TMPRSS9: variants seen among roughly 807,000 people sequenced by gnomAD.
TMPRSS9 encodes the protein transmembrane serine protease 9.
TMPRSS9 carries 113 observed loss-of-function variants against 111.4 expected under a neutral mutation model. That is an observed-to-expected ratio of 1.01 (90% confidence interval 0.87 to 1.19). The LOEUF (loss-of-function observed/expected upper bound fraction) is 1.19. TMPRSS9 is among the 50% of genes most tolerant of loss of function. The pLI is 0.00. For synonymous variants in TMPRSS9, 805 were observed against 659.1 expected (o/e 1.22, Z -3.39); for missense variants, 1,803 against 1,513.1 (o/e 1.19, Z -3.18).
chr19:2,370,781 G>A (rs1234855635), intron 1 of TMPRSS9, among the ~76,000 whole-genome samples: 1 of 151,842 alleles, frequency 6.6e-6, no homozygotes, highest in East Asian at 1.9e-4. Flanking sequence ...AACATTGCAA[G>A]ACCTCGTCTC....
At chr19:2,394,900 T>C (rs932853892) in intron 1 of TMPRSS9, among the ~76,000 whole-genome samples, 4 of 152,226 alleles carry the variant, frequency 2.6e-5, no homozygotes, top group Non-Finnish European at 5.9e-5. Context: ...TTTTTTCTGC[T>C]GCTGCTTGCA....
chr19:2,390,530 A>T (rs1430669605), intron 1 of TMPRSS9, among the ~76,000 whole-genome samples: 1 of 145,356 alleles, frequency 6.9e-6, no homozygotes, highest in Non-Finnish European at 1.5e-5. Flanking sequence ...GGCATGAGCC[A>T]CCGCGCCCGG....
chr19:2,424,294 CTG>C (rs747267710), intron 15 of TMPRSS9, 37 bp downstream of exon 16: 3 of 1,319,142 alleles, frequency 2.3e-6, no homozygotes, highest in Admixed American at 3.2e-5. Context: ...CTACATGTCT[CTG>C]TAGCTCACCC....
chr19:2,423,881 A>C (rs1419815459), intron 14 of TMPRSS9, among the ~76,000 whole-genome samples: 1 of 152,144 alleles, frequency 6.6e-6, no homozygotes, highest in Non-Finnish European at 1.5e-5. Context: ...ATAGGAAACA[A>C]ATGCATTTCC....
At chr19:2,419,934 G>T (rs1240170183) in intron 13 of TMPRSS9, among the ~76,000 whole-genome samples, 2 of 152,154 alleles carry the variant, frequency 1.3e-5, no homozygotes, top group Non-Finnish European at 2.9e-5. Context: ...GGCTGAGGTA[G>T]GATCAGTCGA....
intron 1 of TMPRSS9, 139 bp downstream of exon 2, chr19:2,390,066 C>T (rs1970552480): frequency 9.0e-7 from 1 of 1,115,330 alleles, no homozygotes; most frequent in African/African-American, 1.6e-5. Flanking sequence ...CTGCCCTAGG[C>T]CAGGCGGGTG....
At chr19:2,406,561 C>T (rs1327224464) in intron 7 of TMPRSS9, among the ~76,000 whole-genome samples, 2 of 149,338 alleles carry the variant, frequency 1.3e-5, no homozygotes, top group Non-Finnish European at 3.0e-5. Context: ...TCTCGAACTC[C>T]TGTCCTCAGG....
At chr19:2,401,892 G>A (rs938809408) in intron 4 of TMPRSS9, 83 bp from the exon 6 acceptor site, 15 of 1,283,620 alleles carry the variant, frequency 1.2e-5, no homozygotes, top group Non-Finnish European at 1.4e-5. Flanking sequence ...ACAGGTGTGA[G>A]CCACCGCGCC....
chr19:2,397,483 A>T (rs757617751), intron 2 of TMPRSS9, among the ~76,000 whole-genome samples: 9 of 152,120 alleles, frequency 5.9e-5, no homozygotes, highest in Non-Finnish European at 1.2e-4. Context: ...CTATGCACAC[A>T]CTGGAATATG....
At chr19:2,363,813 C>CGTGCGCGTGT (rs1970225734) in intron 1 of TMPRSS9, among the ~76,000 whole-genome samples, 3 of 112,808 alleles carry the variant, frequency 2.7e-5, no homozygotes, top group African/African-American at 1.0e-4. Flanking sequence ...TGCGTGCGCG[C>CGTGCGCGTGT]GTGTGTGTGT....
At chr19:2,416,006 T>C (rs1971223097) in intron 11 of TMPRSS9, among the ~76,000 whole-genome samples, 165 bp downstream of exon 12, 1 of 152,140 alleles carries the variant, frequency 6.6e-6, no homozygotes, top group Non-Finnish European at 1.5e-5. Flanking sequence ...CCAAGGCTTC[T>C]AAGGACAAAC....
chr19:2,381,361 T>TGC (rs887791588), intron 1 of TMPRSS9, among the ~76,000 whole-genome samples: 1 of 150,534 alleles, frequency 6.6e-6, no homozygotes, highest in African/African-American at 2.5e-5. Context: ...TGTGTGTGTG[T>TGC]GCGTGTGTGT....
intron 5 of TMPRSS9, among the ~76,000 whole-genome samples, chr19:2,402,298 G>A (rs371410192): frequency 1.1e-4 from 17 of 151,952 alleles, no homozygotes; most frequent in South Asian, 4.2e-4. Flanking sequence ...AAAATTAGCC[G>A]GGCATAGTGG....
chr19:2,387,236 T>G (rs1970496286), upstream of TMPRSS9, among the ~76,000 whole-genome samples: 1 of 152,102 alleles, frequency 6.6e-6, no homozygotes, highest in Non-Finnish European at 1.5e-5. Flanking sequence ...GGCTCATGCC[T>G]GTAATCCCAG....
At chr19:2,411,279 G>A (rs1331987796) in intron 9 of TMPRSS9, among the ~76,000 whole-genome samples, 5 of 87,324 alleles carry the variant, frequency 5.7e-5, no homozygotes, top group African/African-American at 9.1e-5. Flanking sequence ...CAGCCTGGGC[G>A]ACAAAGCAAG....
intron 1 of TMPRSS9, among the ~76,000 whole-genome samples, chr19:2,382,202 C>T (rs544421949): frequency 2.6e-5 from 4 of 152,224 alleles, no homozygotes; most frequent in African/African-American, 9.6e-5. Flanking sequence ...CTCTGTGTTG[C>T]CCAGGCTGGA....
intron 4 of TMPRSS9, among the ~76,000 whole-genome samples, chr19:2,401,480 C>G (rs1211414316): frequency 6.6e-6 from 1 of 152,180 alleles, no homozygotes; most frequent in Non-Finnish European, 1.5e-5. Context: ...GCAAGTGAGA[C>G]TGAGGATCGG....
chr19:2,384,651 T>TA (rs956586080), intron 1 of TMPRSS9, among the ~76,000 whole-genome samples: 2 of 151,342 alleles, frequency 1.3e-5, no homozygotes, highest in African/African-American at 4.9e-5. Context: ...CCGTCTCTAC[T>TA]AAAAATACAA....
At chr19:2,408,920 T>TG (rs536212771) in intron 8 of TMPRSS9, among the ~76,000 whole-genome samples, 11 of 150,068 alleles carry the variant, frequency 7.3e-5, no homozygotes, top group Non-Finnish European at 1.6e-4. Context: ...ACCCAGGAGA[T>TG]GGAGGTTGCA....
Sources: allele counts gnomAD v4.1 joint callset (sites outside exome capture counted in the v4.1 genomes callset), GRCh38; gene constraint gnomAD v4.1.1; transcripts MANE v1.5; gene names NCBI Gene and HGNC (gene_info 2026-07-23, HGNC 2026-07-21).